NR3C2: variants seen among roughly 807,000 people sequenced by gnomAD.
NR3C2 encodes nuclear receptor subfamily 3 group C member 2.
In NR3C2, 15 loss-of-function variants were observed where a neutral mutation model predicts 86.4. That is an observed-to-expected ratio of 0.17 (90% CI 0.12 to 0.27). The LOEUF (loss-of-function observed/expected upper bound fraction) is 0.27, where lower values mean the gene tolerates loss of function less well. Ranked by LOEUF, NR3C2 falls within the 10% of genes least tolerant of loss-of-function variation. The pLI is 1.00. For missense variants in NR3C2, 960 were observed against 1,195.6 expected (o/e 0.80, Z 2.91); for synonymous variants, 458 against 450.5 (o/e 1.02, Z -0.21).
intron 2 of NR3C2, among the ~76,000 whole-genome samples, chr4:148,345,696 G>A (rs1218834027): frequency 5.9e-5 from 9 of 151,778 alleles, no homozygotes; most frequent in African/African-American, 7.3e-5. Flanking sequence ...AAGGTTATTC[G>A]TGTGCCGGAG....
intron 2 of NR3C2, among the ~76,000 whole-genome samples, chr4:148,262,512 C>G (rs2149874853): frequency 6.6e-6 from 1 of 152,254 alleles, no homozygotes; most frequent in African/African-American, 2.4e-5. Context: ...TCCCTGCCTC[C>G]AAACGTGTTC....
intron 2 of NR3C2, among the ~76,000 whole-genome samples, chr4:148,311,454 T>G (rs1742896048): frequency 6.6e-6 from 1 of 152,134 alleles, no homozygotes; most frequent in South Asian, 2.1e-4. Context: ...TCTCTCACAC[T>G]TCACATCAGC....
intron 5 of NR3C2, 69 bp from the exon 6 acceptor site, chr4:148,152,682 T>TA: frequency 3.4e-6 from 5 of 1,487,854 alleles, no homozygotes; most frequent in Non-Finnish European, 4.7e-6. Flanking sequence ...AGATGCTTCT[T>TA]AAGTCAACCC....
rs962844811 is a variant in NR3C2, at chr4:148,391,896, C to T, written c.1757+43208G>A. On this transcript the variant is annotated intron_variant, in intron 2 of 8. Transcript: ENST00000358102. ...AAAAAAAAAAAAGAAAGTCAAATGT[C>T]TCCTTCACTAGAGACTTGAGAATTT... 4.7e-5 allele frequency among the ~76,000 whole-genome samples: 7 copies of T among 149,648 alleles called. No individual in the cohort carries two copies. In the South Asian group the frequency reaches 6.4e-4, roughly 14 times the overall value.
intron 3 of NR3C2, among the ~76,000 whole-genome samples, chr4:148,257,721 T>C (rs1184547201): frequency 6.6e-6 from 1 of 152,020 alleles, no homozygotes; most frequent in Non-Finnish European, 1.5e-5. Flanking sequence ...CTCATACACA[T>C]GGGATAAAAG....
At chr4:148,314,887 AAT>A (rs1411295540) in intron 2 of NR3C2, among the ~76,000 whole-genome samples, 3 of 152,324 alleles carry the variant, frequency 2.0e-5, no homozygotes, top group African/African-American at 4.8e-5. Context: ...TAACATGATA[AAT>A]ATGTTTATAG....
intron 4 of NR3C2, among the ~76,000 whole-genome samples, chr4:148,166,866 T>C (rs757184299): frequency 1.3e-5 from 2 of 151,712 alleles, no homozygotes; most frequent in Non-Finnish European, 2.9e-5. Context: ...ATGGGGGTAG[T>C]TCAGGAAGGG....
Position 148,347,085 on chromosome 4 carries a change from C to T in NR3C2, c.1758-86968G>A, listed in dbSNP as rs79217598. ...AGGGTCAAATTCTGCTGTGAAGCCA[C>T]GTAAGAAAAGCACTGCAAAGGATAT... is the stretch of plus-strand genomic sequence containing the variant. On this transcript the variant is annotated intron_variant, in intron 2 of 8. Coordinates refer to ENST00000358102, the MANE Select transcript of NR3C2 (RefSeq NM_000901.5). 1.3e-5 allele frequency among the ~76,000 whole-genome samples: 2 copies of T among 151,966 alleles called. 1 individual carries two copies.
chr4:148,307,237 T>C (rs1742675405), intron 2 of NR3C2, among the ~76,000 whole-genome samples: 1 of 152,218 alleles, frequency 6.6e-6, no homozygotes, highest in South Asian at 2.1e-4. Flanking sequence ...TAAGATAATT[T>C]TCTCTGTTGA....
At chr4:148,196,137 A>T (rs938424367) in intron 3 of NR3C2, among the ~76,000 whole-genome samples, 1 of 152,158 alleles carries the variant, frequency 6.6e-6, no homozygotes, top group African/African-American at 2.4e-5. Flanking sequence ...GAGATTCTAG[A>T]TGTATTCCAA....
At chr4:148,269,734 A>G (rs1163724072) in intron 2 of NR3C2, among the ~76,000 whole-genome samples, 1 of 152,224 alleles carries the variant, frequency 6.6e-6, no homozygotes, top group Non-Finnish European at 1.5e-5. Flanking sequence ...GTGTGAGCAT[A>G]CTTATATTTA....
At chr4:148,444,275 T>C (rs1302748104), upstream of NR3C2, 1 of 985,322 alleles carries the variant, frequency 1.0e-6, no homozygotes, top group Non-Finnish European at 1.2e-6. Context: ...GGTCTTGCCC[T>C]GGATCTCAGC....
At chr4:148,196,497 AAAG>A (rs1466705272) in intron 3 of NR3C2, among the ~76,000 whole-genome samples, 11 of 152,196 alleles carry the variant, frequency 7.2e-5, no homozygotes, top group Non-Finnish European at 1.5e-4. Flanking sequence ...GGGTTATTGA[AAAG>A]AAGAGAGGGA....
At chr4:148,317,559 T>G (rs1743262658) in intron 2 of NR3C2, among the ~76,000 whole-genome samples, 1 of 151,864 alleles carries the variant, frequency 6.6e-6, no homozygotes, top group Admixed American at 6.6e-5. Context: ...ATACAACTGG[T>G]TATGGTTATA....
intron 3 of NR3C2, among the ~76,000 whole-genome samples, chr4:148,212,286 T>C (rs1356470282): frequency 6.6e-6 from 1 of 152,266 alleles, no homozygotes; most frequent in Non-Finnish European, 1.5e-5. Context: ...TATTTGCATG[T>C]CATTTCTTCT....
At chr4:148,380,002 T>A (rs933562585) in intron 2 of NR3C2, among the ~76,000 whole-genome samples, 2 of 152,234 alleles carry the variant, frequency 1.3e-5, no homozygotes, top group Non-Finnish European at 2.9e-5. Context: ...GAAAATTAGG[T>A]ATATTTTAAA....
chr4:148,326,074 A>G (rs569349554), intron 2 of NR3C2, among the ~76,000 whole-genome samples: 1 of 152,138 alleles, frequency 6.6e-6, no homozygotes, highest in Non-Finnish European at 1.5e-5. Context: ...GGTTGGGGTA[A>G]AAACTACAGA....
intron 3 of NR3C2, among the ~76,000 whole-genome samples, chr4:148,204,065 T>C (rs1736875397): frequency 6.6e-6 from 1 of 152,236 alleles, no homozygotes; most frequent in African/African-American, 2.4e-5. Flanking sequence ...ATAAACATTC[T>C]TCTTGTTGTG....
intron 4 of NR3C2, among the ~76,000 whole-genome samples, chr4:148,156,079 A>G (rs543412084): frequency 5.5e-4 from 84 of 152,264 alleles, no homozygotes; most frequent in African/African-American, 1.9e-3. Flanking sequence ...CTGAAACTGG[A>G]TCCCTTCCTT....
Sources: gnomAD v4.1 joint callset for allele counts (sites outside exome capture counted in the v4.1 genomes callset) on GRCh38, gnomAD v4.1.1 for gene constraint, MANE v1.5 for transcripts, NCBI Gene and HGNC (gene_info 2026-07-23, HGNC 2026-07-21) for gene names.